Variants in UCKL1 observed in about 807,000 individuals in gnomAD.
UCKL1 encodes the protein uridine-cytidine kinase-like 1.
In UCKL1, 65 loss-of-function variants were observed where a neutral mutation model predicts 59.2. That is an observed-to-expected ratio of 1.10 (90% CI 0.90 to 1.35). UCKL1 has a LOEUF of 1.35. UCKL1 is among the 40% of genes most tolerant of loss of function. UCKL1 has a pLI of 0.00. For missense variants in UCKL1, 703 were observed against 784.3 expected, an observed-to-expected ratio of 0.90 and a Z score of 1.24; for synonymous variants, 410 against 323.1, an observed-to-expected ratio of 1.27 and a Z score of -2.88.
intron 7 of UCKL1, 110 bp from the exon 8 acceptor site, chr20:63,943,779 C>G: frequency 6.6e-7 from 1 of 1,505,506 alleles, no homozygotes; most frequent in Admixed American, 1.7e-5. Flanking sequence ...CCCGCGGGGA[C>G]ACAGCCAGCC....
At chr20:63,948,792 C>T (rs558338489) in intron 1 of UCKL1, among the ~76,000 whole-genome samples, 1 of 151,872 alleles carries the variant, frequency 6.6e-6, no homozygotes, top group East Asian at 1.9e-4. Flanking sequence ...GGAACAGCAA[C>T]TTCTGTCACA....
chr20:63,943,610 T>C (rs745490512), intron 8 of UCKL1, 43 bp downstream of exon 8: 6 of 1,612,168 alleles, frequency 3.7e-6, no homozygotes, highest in African/African-American at 2.7e-5. Context: ...CTTGGAGGTG[T>C]TGGAAGTGCC....
At chr20:63,945,567 A>G in intron 5 of UCKL1, 84 bp downstream of exon 5, 23 of 1,421,058 alleles carry the variant, frequency 1.6e-5, no homozygotes, top group Non-Finnish European at 2.2e-5. Context: ...GGCCTTGGGG[A>G]CAGGGCAGGA....
intron 1 of UCKL1, chr20:63,950,749 CGA>C: frequency 6.6e-7 from 1 of 1,525,744 alleles, no homozygotes; most frequent in Non-Finnish European, 8.8e-7. Context: ...GACCTCCAGT[CGA>C]GACTCACCTG....
chr20:63,946,720 G>C, intron 1 of UCKL1, 77 bp from the exon 2 acceptor site: 1 of 1,370,836 alleles, frequency 7.3e-7, no homozygotes, highest in Non-Finnish European at 9.5e-7. Flanking sequence ...CCGGCCCACA[G>C]GGCACCCCCC....
chr20:63,942,873 G>A (rs2055012986), intron 8 of UCKL1: 3 of 378,502 alleles, frequency 7.9e-6, no homozygotes, highest in South Asian at 1.8e-5. Flanking sequence ...CGAGGAGAGG[G>A]CCAAGCGGAG....
Position 63,941,228 on chromosome 20 carries a change from G to T in UCKL1, c.924-20C>A. 1.3e-6 allele frequency: 2 copies of T among 1,484,500 alleles called. No homozygotes were observed. The highest frequency in any genetic ancestry group is 1.4e-5 in the African/African-American group (1 of 71,690). The allele number at this position is 1,484,500 out of a possible 1,614,324, so 92.0% of individuals were successfully genotyped here. A position where few individuals can be genotyped will look rare whatever the true frequency, so the allele number is the denominator to read the frequency against. ...GCAGCCCTGGGGACAAACCGATGGG[G>T]AACACTCAAGAAGGGGGTCTTTTCC... On this transcript the variant is annotated intron_variant, in intron 8 of 14. Transcript: ENST00000354216.
Position 63,945,908 on chromosome 20 carries a change from A to C in UCKL1, c.479T>G (p.Phe160Cys). The C allele has an allele frequency of 6.2e-7, 1 of 1,613,768 alleles. No homozygotes were observed. Among genetic ancestry groups the C allele is most frequent in the Non-Finnish European group, 8.5e-7 (1 of 1,179,964 alleles). The change falls in exon 4 of 15, where the codon TTT becomes TGT. Residue 160 changes from phenylalanine to cysteine, a missense_variant. By Grantham distance (205) the Phe-to-Cys change is radical. Transcript: ENST00000354216. ...NNFNFDHPDA[F>C]DFDLIISTLK... is the part of the protein sequence containing the mutation. Reference sequence around the variant, plus strand: ...GGTGGAAATGATGAGGTCGAAGTCAAAGGCATCTGGGTGGTCGAAGTTGAA... The same window carrying C: ...GGTGGAAATGATGAGGTCGAAGTCACAGGCATCTGGGTGGTCGAAGTTGAA...
At chr20:63,953,486 A>T (rs2058023130) in intron 1 of UCKL1, 1 of 152,200 alleles carries the variant, frequency 6.6e-6, no homozygotes, top group Non-Finnish European at 1.5e-5. Flanking sequence ...AGATCATCTG[A>T]GGTCAGGAGT....
chr20:63,951,637 C>T (rs918928317), intron 1 of UCKL1, among the ~76,000 whole-genome samples: 6 of 152,154 alleles, frequency 3.9e-5, no homozygotes, highest in Non-Finnish European at 7.4e-5. Flanking sequence ...ACCCAGGGCT[C>T]ACCACCCAGG....
At position 63,941,063 on chromosome 20, in the gene UCKL1, G is replaced by A. The variant is rs371184238; in HGVS notation, c.1023-20C>T. ...TTGTCCCTGTGGGGCCAACAGTTGA[G>A]CGGGAGCACGCGCCCGGGGCCGCCC... On this transcript the variant is annotated intron_variant, in intron 9 of 14. Coordinates refer to ENST00000354216, the MANE Select transcript of UCKL1 (RefSeq NM_017859.4). 7 of 1,595,192 alleles carry A rather than the reference G, an allele frequency of 4.4e-6. No homozygotes were observed. The African/African-American group carries it at 9.4e-5, about 21-fold the overall frequency.
intron 5 of UCKL1, among the ~76,000 whole-genome samples, chr20:63,945,361 TC>T (rs1305045717): frequency 6.6e-6 from 1 of 150,696 alleles, no homozygotes; most frequent in Non-Finnish European, 1.5e-5. Flanking sequence ...TCCTCACCTG[TC>T]CGTCAGGACC....
chr20:63,950,760 T>C, intron 1 of UCKL1: 1 of 1,534,928 alleles, frequency 6.5e-7, no homozygotes, highest in Non-Finnish European at 8.8e-7. Flanking sequence ...GAGACTCACC[T>C]GCCTTCTGCT....
intron 1 of UCKL1, among the ~76,000 whole-genome samples, chr20:63,947,214 G>A (rs943931773): frequency 6.6e-6 from 1 of 152,228 alleles, no homozygotes; most frequent in Non-Finnish European, 1.5e-5. Flanking sequence ...CAAGGACAAG[G>A]GAAGGAGGAG....
chr20:63,950,113 G>A (rs922112191), intron 1 of UCKL1, among the ~76,000 whole-genome samples: 4 of 152,216 alleles, frequency 2.6e-5, no homozygotes, highest in East Asian at 1.9e-4. Context: ...CCCATGCAGC[G>A]GAACGGTCAC....
rs879191892 is a variant in UCKL1 at position 63,946,347 on chromosome 20, T to G, written c.305-80A>C. On this transcript the variant is annotated intron_variant, in intron 2 of 14. Coordinates refer to ENST00000354216, the MANE Select transcript of UCKL1 (RefSeq NM_017859.4). ...TAGGTCCCAGAGGTGCCCATCCCGC[T>G]GCCGCTGCCTGCGGTTGCCCGGCTT... 17 of 1,530,492 alleles carry G rather than the reference T, an allele frequency of 1.1e-5. No individual in the cohort carries two copies. In the South Asian group the frequency reaches 1.8e-4, roughly 16 times the overall value. The allele number at this position is 1,530,492 out of a possible 1,614,324, so 94.8% of individuals were successfully genotyped here.
At chr20:63,942,836 C>G in intron 8 of UCKL1, 1 of 416,444 alleles carries the variant, frequency 2.4e-6, no homozygotes, top group Non-Finnish European at 5.1e-6. Context: ...AGGAACCTGA[C>G]GGGACAAGAC....
intron 1 of UCKL1, chr20:63,948,617 G>T (rs2056966063): frequency 6.7e-6 from 1 of 149,350 alleles, no homozygotes; most frequent in Non-Finnish European, 1.4e-5. Flanking sequence ...GAGAGGGAGG[G>T]GCGTGTGTGA....
At chr20:63,942,640 C>T (rs373735203) in intron 8 of UCKL1, 1 of 535,506 alleles carries the variant, frequency 1.9e-6, no homozygotes, top group Non-Finnish European at 3.6e-6. Flanking sequence ...GGTCAGGCCC[C>T]CAGCCCTGCC....
Sources: gnomAD v4.1 joint callset for allele counts (sites outside exome capture counted in the v4.1 genomes callset) on GRCh38, gnomAD v4.1.1 for gene constraint, MANE v1.5 for transcripts, NCBI Gene and HGNC (gene_info 2026-07-23, HGNC 2026-07-21) for gene names.